The following ANKS1B variants were observed in gnomAD, a reference collection of about 807,000 sequenced individuals.
ANKS1B encodes the protein ankyrin repeat and sterile alpha motif domain-containing protein 1B.
ANKS1B carries 36 observed loss-of-function variants against 148.3 expected under a neutral mutation model. The observed-to-expected ratio is 0.24, with a 90% confidence interval of 0.19 to 0.32. The LOEUF (loss-of-function observed/expected upper bound fraction) is 0.32. Ranked by LOEUF, ANKS1B falls within the 10% of genes least tolerant of loss-of-function variation. The pLI is 1.00. For synonymous variants in ANKS1B, 542 were observed against 560.8 expected (o/e 0.97, Z 0.47); for missense variants, 1,157 against 1,542.6 (o/e 0.75, Z 4.19).
At chr12:99,273,874 G>A (rs375576974) in intron 12 of ANKS1B, among the ~76,000 whole-genome samples, 110 of 151,952 alleles carry the variant, frequency 7.2e-4, no homozygotes, top group African/African-American at 2.6e-3. Flanking sequence ...TGTAAGCCAC[G>A]GCACCCGGCC....
intron 9 of ANKS1B, among the ~76,000 whole-genome samples, chr12:99,639,008 T>C (rs1452352927): frequency 6.6e-6 from 1 of 152,194 alleles, no homozygotes; most frequent in Non-Finnish European, 1.5e-5. Flanking sequence ...AACCTTTGCC[T>C]AGATTTCAGA....
At chr12:98,833,931 CTTT>C (rs1179362169) in intron 17 of ANKS1B, among the ~76,000 whole-genome samples, 1 of 152,194 alleles carries the variant, frequency 6.6e-6, no homozygotes, top group Non-Finnish European at 1.5e-5. Context: ...TGATTTCATT[CTTT>C]TTTATGTCTG....
At chr12:99,376,365 C>T (rs17029301) in intron 12 of ANKS1B, among the ~76,000 whole-genome samples, 21,780 of 152,120 alleles carry the variant, frequency 0.14, 1,725 homozygotes, top group African/African-American at 0.2. Context: ...TATCCATAAA[C>T]GAACAGTTGT....
chr12:99,313,418 G>T (rs915843196), intron 12 of ANKS1B, among the ~76,000 whole-genome samples: 2 of 152,114 alleles, frequency 1.3e-5, no homozygotes, highest in Non-Finnish European at 2.9e-5. Flanking sequence ...CTCATTTTAC[G>T]AAGCCAGCAT....
At chr12:99,358,706 C>CAG (rs948667361) in intron 12 of ANKS1B, among the ~76,000 whole-genome samples, 5 of 151,890 alleles carry the variant, frequency 3.3e-5, no homozygotes, top group African/African-American at 1.2e-4. Context: ...CACACACACA[C>CAG]AGGCACAGAA....
chr12:99,121,587 C>T (rs2062904083), intron 15 of ANKS1B, among the ~76,000 whole-genome samples: 1 of 152,000 alleles, frequency 6.6e-6, no homozygotes, highest in African/African-American at 2.4e-5. Context: ...ATGGCCTGAC[C>T]CAGTTTATTT....
intron 8 of ANKS1B, among the ~76,000 whole-genome samples, chr12:99,674,055 TA>T (rs1422211496): frequency 6.6e-6 from 1 of 151,674 alleles, no homozygotes; most frequent in Non-Finnish European, 1.5e-5. Context: ...ACAATAACCT[TA>T]AATAAGAAAC....
At position 99,339,878 on chromosome 12, in the gene ANKS1B, T is replaced by C. The variant is rs571486028; in HGVS notation, c.1756+59753A>G. On this transcript the variant is annotated intron_variant, in intron 12 of 26. Transcript: ENST00000683438. ...GAAACTGAGACTCTGCGTCAGACCA[T>C]AGTAGTTCCTAGGTCTCAATCCTGT... Among the ~76,000 whole-genome samples, 11 of 152,248 alleles carry C rather than the reference T, an allele frequency of 7.2e-5. No homozygotes were observed. The South Asian group carries it at 1.9e-3, about 26-fold the overall frequency.
intron 12 of ANKS1B, among the ~76,000 whole-genome samples, chr12:99,396,291 C>G (rs1334278907): frequency 6.6e-6 from 1 of 152,112 alleles, no homozygotes; most frequent in Non-Finnish European, 1.5e-5. Context: ...AACTCATTCT[C>G]TTTATATACC....
chr12:99,168,576 T>C (rs1038794907), intron 14 of ANKS1B, among the ~76,000 whole-genome samples: 1 of 149,832 alleles, frequency 6.7e-6, no homozygotes, highest in Non-Finnish European at 1.5e-5. Flanking sequence ...TACAGAATGA[T>C]GAGGAGGGAA....
At chr12:99,420,685 A>C (rs1326928029) in intron 11 of ANKS1B, among the ~76,000 whole-genome samples, 1 of 152,180 alleles carries the variant, frequency 6.6e-6, no homozygotes, top group Non-Finnish European at 1.5e-5. Flanking sequence ...AAGGGGTATA[A>C]GTATATAAAG....
rs756861420 is a variant in ANKS1B, at chr12:98,745,675, A to G, written c.*64T>C. ...GGGCTGGGTGGACGCGGAGGCGCGA[A>G]GGAAAGCCTGCTCCGGGACCGCTTG... On this transcript the variant is annotated 3_prime_UTR_variant, in exon 27 of 27. Transcript: ENST00000683438. 2.9e-5 allele frequency: 46 copies of G among 1,591,212 alleles called. No individual in the cohort carries two copies. Among genetic ancestry groups the G allele is most frequent in the Non-Finnish European group, 3.8e-5 (44 of 1,168,328 alleles).
chr12:99,691,146 G>A (rs562129336), intron 8 of ANKS1B, among the ~76,000 whole-genome samples: 3 of 152,288 alleles, frequency 2.0e-5, no homozygotes, highest in South Asian at 4.1e-4. Context: ...AAGCAGCTGC[G>A]ATGCAAGGCA....
At chr12:99,486,366 T>G (rs117473368) in intron 10 of ANKS1B, among the ~76,000 whole-genome samples, 1 of 152,270 alleles carries the variant, frequency 6.6e-6, no homozygotes, top group South Asian at 2.1e-4. Flanking sequence ...ATTAAGAACG[T>G]TCTCAGTGTG....
At chr12:98,757,919 T>TGTGTGTGCATGTGTGCAC (rs2098294399) in intron 25 of ANKS1B, among the ~76,000 whole-genome samples, 1 of 145,620 alleles carries the variant, frequency 6.9e-6, no homozygotes, top group Non-Finnish European at 1.5e-5. Context: ...GAGAGCTGCA[T>TGTGTGTGCATGTGTGCAC]GTGTGTGCAT....
At chr12:99,202,897 C>T (rs1389214239) in intron 14 of ANKS1B, among the ~76,000 whole-genome samples, 1 of 152,132 alleles carries the variant, frequency 6.6e-6, no homozygotes, top group Non-Finnish European at 1.5e-5. Context: ...TCAGGCTTCT[C>T]CCTCTCCAAG....
chr12:98,988,534 T>C (rs983080341), intron 17 of ANKS1B, among the ~76,000 whole-genome samples: 15 of 152,198 alleles, frequency 9.9e-5, no homozygotes, highest in African/African-American at 3.6e-4. Context: ...TTCCATATCT[T>C]GGTGATTGTG....
At chr12:99,303,877 A>G (rs543819486) in intron 12 of ANKS1B, among the ~76,000 whole-genome samples, 1 of 152,176 alleles carries the variant, frequency 6.6e-6, no homozygotes, top group Admixed American at 6.6e-5. Flanking sequence ...AGAACATATG[A>G]TGTTTGATTT....
chr12:99,010,049 G>A (rs2099938407), intron 17 of ANKS1B, among the ~76,000 whole-genome samples: 1 of 152,124 alleles, frequency 6.6e-6, no homozygotes, highest in Non-Finnish European at 1.5e-5. Flanking sequence ...GACGTGGGAG[G>A]ATCTCAAAAG....
Sources: allele counts gnomAD v4.1 joint callset (sites outside exome capture counted in the v4.1 genomes callset), GRCh38; gene constraint gnomAD v4.1.1; transcripts MANE v1.5; gene names NCBI Gene and HGNC (gene_info 2026-07-23, HGNC 2026-07-21).